OPCML: variants seen among roughly 807,000 people sequenced by gnomAD.
The protein encoded by OPCML is opioid binding protein/cell adhesion molecule like, also known as opioid-binding protein/cell adhesion molecule.
OPCML carries 13 observed loss-of-function variants against 37.8 expected under a neutral mutation model. The ratio of observed to expected loss-of-function variants is 0.34; its 90% CI spans 0.22 to 0.55. OPCML has a LOEUF of 0.55. OPCML is among the 20% of genes least tolerant of loss of function. OPCML has a pLI of 0.91. For synonymous variants in OPCML, 176 were observed against 168.8 expected, an observed-to-expected ratio of 1.04 and a Z score of -0.33; for missense variants, 341 against 435.6, an observed-to-expected ratio of 0.78 and a Z score of 1.93.
At chr11:132,490,492 T>C (rs1240774572) in intron 4 of OPCML, among the ~76,000 whole-genome samples, 1 of 151,950 alleles carries the variant, frequency 6.6e-6, no homozygotes, top group Non-Finnish European at 1.5e-5. Context: ...GTCAGAGCCT[T>C]AAACGTGCTT....
chr11:133,199,256 A>G (rs1938666086), intron 1 of OPCML, among the ~76,000 whole-genome samples: 1 of 152,190 alleles, frequency 6.6e-6, no homozygotes, highest in Non-Finnish European at 1.5e-5. Context: ...GGATCTTACA[A>G]TAGTTTCTTG....
intron 2 of OPCML, among the ~76,000 whole-genome samples, chr11:132,902,287 T>G (rs372732391): frequency 6.6e-6 from 1 of 152,130 alleles, no homozygotes; most frequent in Non-Finnish European, 1.5e-5. Flanking sequence ...GCTCAAGTAG[T>G]CAGGGCTCTT....
At chr11:132,494,761 A>G (rs767157311) in intron 4 of OPCML, among the ~76,000 whole-genome samples, 10 of 152,364 alleles carry the variant, frequency 6.6e-5, no homozygotes, top group African/African-American at 2.2e-4. Flanking sequence ...ACAAAAACTG[A>G]ACATTTGTTG....
At chr11:133,386,575 T>C (rs1164469204) in intron 1 of OPCML, among the ~76,000 whole-genome samples, 2 of 152,230 alleles carry the variant, frequency 1.3e-5, no homozygotes, top group Non-Finnish European at 2.9e-5. Flanking sequence ...TCTGGACCTC[T>C]TGGGTGTTTC....
intron 1 of OPCML, among the ~76,000 whole-genome samples, chr11:133,108,395 C>A (rs1393182294): frequency 1.3e-5 from 2 of 152,124 alleles, no homozygotes; most frequent in Non-Finnish European, 2.9e-5. Flanking sequence ...GACTTTTGGT[C>A]TAAACATACC....
Position 133,447,467 on chromosome 11 carries a change from C to T in OPCML, c.61+84797G>A, listed in dbSNP as rs182313845. Among the ~76,000 whole-genome samples the T allele has an allele frequency of 6.2e-4, 94 of 152,294 alleles. 3 individuals carry two copies. Among genetic ancestry groups the T allele is most frequent in the African/African-American group, 2.1e-3 (89 of 41,568 alleles). ...GGTTTGAGGTATGAATGATCCATCA[C>T]CCAGGTACTGATCACAGTACCCAAT... On this transcript the variant is annotated intron_variant, in intron 1 of 7. Transcript: ENST00000524381.
intron 1 of OPCML, among the ~76,000 whole-genome samples, chr11:133,037,379 G>A (rs573914571): frequency 3.6e-4 from 55 of 152,276 alleles, no homozygotes; most frequent in African/African-American, 1.2e-3. Flanking sequence ...TACTGGAAGC[G>A]TTCAAGTTGA....
At chr11:133,439,296 T>G (rs2136934293) in intron 1 of OPCML, 2 of 940,330 alleles carry the variant, frequency 2.1e-6, no homozygotes, top group Middle Eastern at 5.6e-4. Flanking sequence ...AAAGATGTTT[T>G]TTTTTTTTTT....
chr11:132,614,468 C>T (rs1242223619), intron 3 of OPCML, among the ~76,000 whole-genome samples: 2 of 152,180 alleles, frequency 1.3e-5, no homozygotes, highest in Non-Finnish European at 2.9e-5. Context: ...CCTTCCTCTT[C>T]CGTCCCTCTG....
At chr11:132,845,276 G>A (rs1413158266) in intron 2 of OPCML, among the ~76,000 whole-genome samples, 1 of 151,992 alleles carries the variant, frequency 6.6e-6, no homozygotes, top group Non-Finnish European at 1.5e-5. Context: ...AAGTAGAACA[G>A]CCCTGCATTG....
chr11:132,760,988 G>A (rs1353392565), intron 2 of OPCML, among the ~76,000 whole-genome samples: 1 of 152,102 alleles, frequency 6.6e-6, no homozygotes, highest in Non-Finnish European at 1.5e-5. Flanking sequence ...TTGTAAGGCA[G>A]GCCTGGTGGT....
At chr11:133,332,358 G>T (rs948241594) in intron 1 of OPCML, among the ~76,000 whole-genome samples, 1 of 152,142 alleles carries the variant, frequency 6.6e-6, no homozygotes, top group African/African-American at 2.4e-5. Flanking sequence ...GCTAGAGAAT[G>T]ATGTCATCTG....
rs1591529301 is a variant in OPCML at position 132,730,930 on chromosome 11, A to G, written c.147-73611T>C. Among the ~76,000 whole-genome samples the G allele has an allele frequency of 2.0e-5, 3 of 152,344 alleles. No individual in the cohort carries two copies. The South Asian group carries it at 6.2e-4, about 32-fold the overall frequency. ...AAGGATTTGGAAGGATCAGCTCAGG[A>G]TAGTCTTGAACCTAGAAAAACAGCT... On this transcript the variant is annotated intron_variant, in intron 2 of 7. Transcript: ENST00000524381.
intron 3 of OPCML, among the ~76,000 whole-genome samples, chr11:132,549,360 TA>T (rs1219910117): frequency 1.1e-4 from 16 of 152,186 alleles, no homozygotes; most frequent in African/African-American, 3.6e-4. Context: ...CACCACTTTT[TA>T]AGAAAACTCA....
chr11:132,961,315 A>T (rs957647442), intron 1 of OPCML, among the ~76,000 whole-genome samples: 3 of 152,214 alleles, frequency 2.0e-5, no homozygotes, highest in South Asian at 2.1e-4. Flanking sequence ...AAATTTTAAA[A>T]AAAAGTACAT....
At chr11:132,984,128 G>A (rs1946642256) in intron 1 of OPCML, among the ~76,000 whole-genome samples, 1 of 152,116 alleles carries the variant, frequency 6.6e-6, no homozygotes, top group Non-Finnish European at 1.5e-5. Flanking sequence ...TCTTTCCCAA[G>A]GCCAGAAAGC....
intron 1 of OPCML, among the ~76,000 whole-genome samples, chr11:133,293,553 C>T (rs762784571): frequency 1.3e-5 from 2 of 152,104 alleles, no homozygotes; most frequent in African/African-American, 2.4e-5. Flanking sequence ...ATCTCTCCTT[C>T]CCATCTGAGC....
intron 1 of OPCML, among the ~76,000 whole-genome samples, chr11:133,287,304 G>T (rs1172732887): frequency 5.5e-4 from 63 of 115,498 alleles, no homozygotes; most frequent in African/African-American, 2.0e-3. Context: ...TAGAGATAAG[G>T]TTTCACTATG....
At position 133,212,656 on chromosome 11, in the gene OPCML, CTGT is replaced by C. The variant is rs1939412289; in HGVS notation, c.62-269649_62-269647del. 6.6e-6 allele frequency among the ~76,000 whole-genome samples: 1 copy of C among 152,208 alleles called. No homozygotes were observed. The highest frequency in any genetic ancestry group is 2.4e-5 in the African/African-American group (1 of 41,450). ...TCTGTGATTTACCTTCTCACTGTGA[CTGT>C]TGTTATTGTCTGTCCTCTGCTAGAA... On this transcript the variant is annotated intron_variant, in intron 1 of 7. Transcript: ENST00000524381. The surrounding 1 kb of genome is among the most constrained non-coding windows in gnomAD (Gnocchi z 4.9).
Sources: allele counts gnomAD v4.1 joint callset (sites outside exome capture counted in the v4.1 genomes callset), GRCh38; gene constraint gnomAD v4.1.1; non-coding constraint Gnocchi (gnomAD v3.1); transcripts MANE v1.5; gene names NCBI Gene and HGNC (gene_info 2026-07-23, HGNC 2026-07-21).